CDH11: variants seen among roughly 807,000 people sequenced by gnomAD.
CDH11 encodes cadherin 11.
CDH11 carries 11 observed loss-of-function variants against 67.8 expected under a neutral mutation model. The ratio of observed to expected loss-of-function variants is 0.16; its 90% CI spans 0.10 to 0.27. The LOEUF (loss-of-function observed/expected upper bound fraction) is 0.27, where lower values mean the gene tolerates loss of function less well. Ranked by LOEUF, CDH11 falls within the 10% of genes least tolerant of loss-of-function variation. The probability of loss-of-function intolerance (pLI) is 1.00; values close to 1 mark genes in which losing one functional copy is unlikely to be tolerated. For missense variants in CDH11, 847 were observed against 1,031.2 expected (o/e 0.82, Z 2.45); for synonymous variants, 419 against 400.0 (o/e 1.05, Z -0.57).
At chr16:65,084,644 C>T (rs887074132) in intron 1 of CDH11, among the ~76,000 whole-genome samples, 11 of 152,096 alleles carry the variant, frequency 7.2e-5, no homozygotes, top group African/African-American at 1.9e-4. Context: ...GAGTATCTGA[C>T]GAGGTTTAAG....
chr16:65,078,109 C>T (rs960986485), intron 1 of CDH11, among the ~76,000 whole-genome samples: 3 of 152,182 alleles, frequency 2.0e-5, no homozygotes, highest in African/African-American at 7.2e-5. Flanking sequence ...ATCGCATCCT[C>T]TGTTAATTTT....
chr16:65,030,634 C>T (rs779434543), intron 2 of CDH11, among the ~76,000 whole-genome samples: 1 of 152,112 alleles, frequency 6.6e-6, no homozygotes, highest in Admixed American at 6.5e-5. Flanking sequence ...GGAGTGGGGC[C>T]GTTTCGGCTC....
At chr16:65,035,231 G>A (rs2073729329) in intron 2 of CDH11, among the ~76,000 whole-genome samples, 1 of 152,244 alleles carries the variant, frequency 6.6e-6, no homozygotes, top group African/African-American at 2.4e-5. Context: ...GCATCAGGGA[G>A]TGTGCCCAGG....
At chr16:65,110,436 C>T (rs1239976108) in intron 1 of CDH11, among the ~76,000 whole-genome samples, 1 of 152,096 alleles carries the variant, frequency 6.6e-6, no homozygotes, top group Non-Finnish European at 1.5e-5. Flanking sequence ...ACCCCAGATA[C>T]CTAGGAAGGC....
At chr16:65,042,673 C>T (rs187673884) in intron 2 of CDH11, among the ~76,000 whole-genome samples, 26 of 152,168 alleles carry the variant, frequency 1.7e-4, no homozygotes, top group African/African-American at 5.1e-4. Flanking sequence ...TGCAAGAAAA[C>T]CCCCACTTCA....
intron 1 of CDH11, among the ~76,000 whole-genome samples, chr16:65,057,420 C>T (rs985936281): frequency 3.3e-5 from 5 of 152,178 alleles, no homozygotes; most frequent in African/African-American, 1.2e-4. Context: ...AGCACTAAGC[C>T]TCTTAGGGGC....
intron 12 of CDH11, among the ~76,000 whole-genome samples, chr16:64,949,052 T>A (rs1463519150): frequency 6.6e-6 from 1 of 152,200 alleles, no homozygotes; most frequent in African/African-American, 2.4e-5. Context: ...TGTGCTTTTT[T>A]CTTGTGGGCA....
intron 2 of CDH11, among the ~76,000 whole-genome samples, chr16:65,032,615 A>G (rs970490230): frequency 1.3e-5 from 2 of 152,184 alleles, no homozygotes; most frequent in African/African-American, 4.8e-5. Flanking sequence ...AGCGTTCTCT[A>G]AGTCTGCAGC....
chr16:65,093,972 T>C (rs2074838959), intron 1 of CDH11, among the ~76,000 whole-genome samples: 1 of 152,212 alleles, frequency 6.6e-6, no homozygotes, highest in Admixed American at 6.5e-5. Flanking sequence ...ACTAAAGCTC[T>C]AAGCAAGCCT....
intron 1 of CDH11, among the ~76,000 whole-genome samples, chr16:65,093,571 T>C (rs2074831731): frequency 6.6e-6 from 1 of 152,120 alleles, no homozygotes; most frequent in Admixed American, 6.5e-5. Flanking sequence ...GAAGGAGACA[T>C]GATCCTTCAA....
intron 11 of CDH11, among the ~76,000 whole-genome samples, chr16:64,955,921 C>G (rs936092699): frequency 2.0e-5 from 3 of 152,094 alleles, no homozygotes; most frequent in Non-Finnish European, 4.4e-5. Flanking sequence ...TGAGTGGGTC[C>G]CCTTGCATTG....
At position 64,998,840 on chromosome 16, in the gene CDH11, T is replaced by A; in HGVS notation, c.245A>T (p.Asp82Val). 6.2e-7 allele frequency: 1 copy of A among 1,613,554 alleles called. No homozygotes were observed. Among genetic ancestry groups the A allele is most frequent in the Non-Finnish European group, 8.5e-7 (1 of 1,179,556 alleles). The change falls in exon 4 of 13, where the codon GAC becomes GTC. Residue 82 changes from aspartate (D) to valine (V), a missense_variant. Asp to Val is a radical substitution (Grantham distance 152). Transcript: ENST00000268603. ...GTATTTAATGTTCCCATCACCAGAGTCAATATCTGAATGAAGCTGGAAGAA... is the reference window on the plus strand; with the variant it reads ...GTATTTAATGTTCCCATCACCAGAGACAATATCTGAATGAAGCTGGAAGAA... ...VLVGRLHSDI[D>V]SGDGNIKYIL...
intron 1 of CDH11, among the ~76,000 whole-genome samples, chr16:65,084,259 T>G (rs1479560136): frequency 1.3e-5 from 2 of 151,954 alleles, no homozygotes; most frequent in Non-Finnish European, 2.9e-5. Context: ...GAGGCCACGG[T>G]GGGAGGATTG....
chr16:65,079,433 C>A (rs917668489), intron 1 of CDH11, among the ~76,000 whole-genome samples: 1 of 152,016 alleles, frequency 6.6e-6, no homozygotes, highest in Non-Finnish European at 1.5e-5. Context: ...TAAATGTATG[C>A]TTTTACTTTG....
At chr16:65,070,184 A>G (rs1425868619) in intron 1 of CDH11, among the ~76,000 whole-genome samples, 1 of 152,168 alleles carries the variant, frequency 6.6e-6, no homozygotes, top group African/African-American at 2.4e-5. Flanking sequence ...GAAAGCTAGA[A>G]GCTCCGTTAT....
chr16:64,946,959 TA>T lies in CDH11; in HGVS notation c.*643del. 2.2e-6 allele frequency: 2 copies of T among 914,876 alleles called. No homozygotes were observed. Among genetic ancestry groups the T allele is most frequent in the Non-Finnish European group, 1.3e-6 (1 of 754,374 alleles). The allele number at this position is 914,876 out of a possible 1,614,324, so 56.7% of individuals were successfully genotyped here. On this transcript the variant is annotated 3_prime_UTR_variant, in exon 13 of 13. Coordinates refer to ENST00000268603, the MANE Select transcript of CDH11 (RefSeq NM_001797.4). ...TTTAAAATTGTACAAATAGATACATTAAAAATGACATAGAAATAGGGCGTCT... is the reference window on the plus strand; with the variant it reads ...TTTAAAATTGTACAAATAGATACATTAAAATGACATAGAAATAGGGCGTCT...
intron 1 of CDH11, among the ~76,000 whole-genome samples, chr16:65,095,592 G>A (rs1290949247): frequency 6.6e-6 from 1 of 152,012 alleles, no homozygotes; most frequent in Non-Finnish European, 1.5e-5. Context: ...TATCTGGAAG[G>A]GCCTGATTCA....
intron 3 of CDH11, among the ~76,000 whole-genome samples, chr16:65,000,449 C>T (rs114005849): frequency 6.6e-6 from 1 of 152,116 alleles, no homozygotes; most frequent in South Asian, 2.1e-4. Flanking sequence ...GTTCTACCTA[C>T]TAAATAAGAA....
At chr16:65,107,358 C>T (rs577773778) in intron 1 of CDH11, among the ~76,000 whole-genome samples, 55 of 152,288 alleles carry the variant, frequency 3.6e-4, no homozygotes, top group African/African-American at 1.2e-3. Flanking sequence ...ACATGCTGAA[C>T]GCAGTGTGTG....
Sources: allele counts gnomAD v4.1 joint callset (sites outside exome capture counted in the v4.1 genomes callset), GRCh38; gene constraint gnomAD v4.1.1; transcripts MANE v1.5; gene names NCBI Gene and HGNC (gene_info 2026-07-23, HGNC 2026-07-21).